INVS: variants seen among roughly 807,000 people sequenced by gnomAD.
The protein encoded by INVS is inversion of embryo turning homolog.
Under a neutral mutation model 108.8 loss-of-function variants are expected in INVS, and 86 were observed. That is an observed-to-expected ratio of 0.79 (90% CI 0.66 to 0.95). The LOEUF is 0.95. INVS is among the 40% of genes least tolerant of loss of function. The pLI is 0.00. For missense variants in INVS, 1,169 were observed against 1,297.4 expected (o/e 0.90, Z 1.52); for synonymous variants, 455 against 473.5 (o/e 0.96, Z 0.51).
intron 3 of INVS, among the ~76,000 whole-genome samples, chr9:100,149,960 G>A (rs1425665653): frequency 1.3e-5 from 2 of 152,144 alleles, no homozygotes; most frequent in East Asian, 3.8e-4. Context: ...TCTCATCTTA[G>A]TGTTCCTGAT....
chr9:100,125,810 C>G (rs1478986370), intron 2 of INVS, among the ~76,000 whole-genome samples: 1 of 151,790 alleles, frequency 6.6e-6, no homozygotes, highest in Non-Finnish European at 1.5e-5. Context: ...CTCAACCTCC[C>G]GAGTAGCTGG....
chr9:100,245,784 C>T (rs1832026923), intron 7 of INVS, among the ~76,000 whole-genome samples: 1 of 152,086 alleles, frequency 6.6e-6, no homozygotes, highest in East Asian at 1.9e-4. Context: ...CAAAAGCAAA[C>T]AAACAAAAAA....
chr9:100,152,101 C>T (rs550454357), intron 3 of INVS, among the ~76,000 whole-genome samples: 1 of 152,142 alleles, frequency 6.6e-6, no homozygotes, highest in Non-Finnish European at 1.5e-5. Context: ...TCCTTTGTTC[C>T]TCCAGTACCT....
intron 3 of INVS, among the ~76,000 whole-genome samples, chr9:100,140,327 T>C (rs1364731602): frequency 6.6e-6 from 1 of 151,722 alleles, no homozygotes; most frequent in African/African-American, 2.4e-5. Context: ...TTTGGGTAGG[T>C]AAAGGAAAAT....
In INVS at chr9:100,296,976, A is replaced by T. The variant is rs1397361014; in HGVS notation, c.2846A>T (p.Asp949Val). 2 of 1,614,094 alleles carry T rather than the reference A, an allele frequency of 1.2e-6. No individual in the cohort carries two copies. The highest frequency in any genetic ancestry group is 1.7e-6 in the Non-Finnish European group (2 of 1,180,002). Residue 949 changes from aspartate (D) to valine (V), a missense_variant, in exon 15 of 17, where the codon GAT becomes GTT. Asp to Val is a radical substitution (Grantham distance 152). Around this residue, in one of 3 missense-constraint regions of INVS, gnomAD observed 533 missense variants for 536.0 expected, o/e 0.99. Coordinates refer to ENST00000262457, the MANE Select transcript of INVS (RefSeq NM_014425.5). ...LRHMKQLGAGDVDRWRQESTA... is the reference protein window; with the variant it reads ...LRHMKQLGAGVVDRWRQESTA... ...CATATGAAGCAGCTTGGAGCTGGAG[A>T]TGTGGACAGATGGAGGCAAGAGTCT...
chr9:100,257,793 G>A (rs1021677588), intron 10 of INVS, among the ~76,000 whole-genome samples: 1 of 152,172 alleles, frequency 6.6e-6, no homozygotes, highest in Non-Finnish European at 1.5e-5. Flanking sequence ...AGTCTGATGG[G>A]CTTCCCTTTG....
intron 10 of INVS, among the ~76,000 whole-genome samples, chr9:100,255,852 C>G (rs1419563878): frequency 6.6e-6 from 1 of 152,180 alleles, no homozygotes; most frequent in African/African-American, 2.4e-5. Flanking sequence ...CGATGTTCAT[C>G]AGGGATATTG....
chr9:100,100,484 G>A lies in INVS; in HGVS notation c.-25+1068G>A, dbSNP rs567554014. On this transcript the variant is annotated intron_variant, in intron 1 of 16. Coordinates refer to ENST00000262457, the MANE Select transcript of INVS (RefSeq NM_014425.5). ...ACTTTTTGGACTTAGCACTCAGCCTGTGACCTTTCATCCAACAAACATCTA... is the reference window on the plus strand; with the variant it reads ...ACTTTTTGGACTTAGCACTCAGCCTATGACCTTTCATCCAACAAACATCTA... Among the ~76,000 whole-genome samples the A allele has an allele frequency of 1.4e-4, 20 of 144,482 alleles. No individual in the cohort carries two copies. In the South Asian group the frequency reaches 2.3e-3, roughly 17 times the overall value. 94.8% of individuals were successfully genotyped at this position (144,482 alleles called of 152,430 possible). A position where few individuals can be genotyped will look rare whatever the true frequency, so the allele number is the denominator to read the frequency against.
At chr9:100,192,366 A>G (rs1830249253) in intron 3 of INVS, among the ~76,000 whole-genome samples, 1 of 152,040 alleles carries the variant, frequency 6.6e-6, no homozygotes, top group South Asian at 2.1e-4. Context: ...ATTGTTGCAC[A>G]TATCATAGCT....
chr9:100,113,509 G>A (rs1015823813), intron 2 of INVS, among the ~76,000 whole-genome samples: 7 of 152,168 alleles, frequency 4.6e-5, no homozygotes, highest in African/African-American at 1.7e-4. Context: ...AACTAAAACA[G>A]TAGCTTAGTT....
chr9:100,199,455 GTTTTC>G (rs1202446058), intron 3 of INVS, among the ~76,000 whole-genome samples: 1 of 151,650 alleles, frequency 6.6e-6, no homozygotes, highest in Non-Finnish European at 1.5e-5. Context: ...CTTTCAATCT[GTTTTC>G]TTTTTCTCTT....
At chr9:100,108,799 T>G (rs543437516) in intron 2 of INVS, among the ~76,000 whole-genome samples, 1 of 152,332 alleles carries the variant, frequency 6.6e-6, no homozygotes, top group African/African-American at 2.4e-5. Context: ...ATCGAACACT[T>G]TCTGTGCTGC....
chr9:100,151,477 TA>T (rs945653211), intron 3 of INVS, among the ~76,000 whole-genome samples: 3 of 151,662 alleles, frequency 2.0e-5, no homozygotes, highest in African/African-American at 4.8e-5. Flanking sequence ...AGACCCTGTC[TA>T]AAAAAATAAT....
At chr9:100,100,903 G>GCATATATAA (rs1826918348) in intron 1 of INVS, among the ~76,000 whole-genome samples, 2 of 36,260 alleles carry the variant, frequency 5.5e-5, no homozygotes, top group Non-Finnish European at 8.8e-5. Flanking sequence ...TATTATATAT[G>GCATATATAA]TATATATATT....
intron 3 of INVS, among the ~76,000 whole-genome samples, chr9:100,219,874 G>A (rs538836807): frequency 1.3e-4 from 19 of 143,884 alleles, no homozygotes; most frequent in South Asian, 2.1e-4. Context: ...ATACTATGTC[G>A]TTTATGGATA....
intron 3 of INVS, among the ~76,000 whole-genome samples, chr9:100,206,881 T>A (rs1043780506): frequency 3.3e-5 from 5 of 152,244 alleles, no homozygotes; most frequent in African/African-American, 4.8e-5. Context: ...ACAGGCCAGT[T>A]AAATTGTACA....
At chr9:100,142,066 G>A (rs904893391) in intron 3 of INVS, among the ~76,000 whole-genome samples, 11 of 152,190 alleles carry the variant, frequency 7.2e-5, no homozygotes, top group Admixed American at 3.3e-4. Flanking sequence ...CCTAATCAGC[G>A]TAAGCGTCGC....
At chr9:100,162,975 A>G (rs1295974341) in intron 3 of INVS, among the ~76,000 whole-genome samples, 1 of 152,194 alleles carries the variant, frequency 6.6e-6, no homozygotes, top group Non-Finnish European at 1.5e-5. Context: ...CAGGCAATCC[A>G]TGGTGTCAGC....
rs1588123043 is a variant in INVS, at chr9:100,252,284, T to C, written c.1080T>C (p.Ala360=). ...INMADKYGGT[A]LHAAALSGHV... ...CACTTTCTGTTGGTTCCCTTTTAGCTTTGCATGCTGCTGCTCTTTCTGGCC... is the reference window on the plus strand; with the variant it reads ...CACTTTCTGTTGGTTCCCTTTTAGCCTTGCATGCTGCTGCTCTTTCTGGCC... The change falls in exon 9 of 17, where the codon GCT becomes GCC. Residue 360 remains alanine (A), a splice_region_variant and synonymous_variant. Coordinates refer to ENST00000262457, the MANE Select transcript of INVS (RefSeq NM_014425.5). 2 of 1,614,048 alleles carry C rather than the reference T, an allele frequency of 1.2e-6. No individual in the cohort carries two copies. Among genetic ancestry groups the C allele is most frequent in the East Asian group, 4.5e-5 (2 of 44,876 alleles).
Sources: allele counts gnomAD v4.1 joint callset (sites outside exome capture counted in the v4.1 genomes callset), GRCh38; gene constraint gnomAD v4.1.1; regional missense constraint gnomAD v4.1.1; transcripts MANE v1.5; gene names NCBI Gene and HGNC (gene_info 2026-07-23, HGNC 2026-07-21).